The following ZNF334 variants were observed in gnomAD, a reference collection of about 807,000 sequenced individuals.
ZNF334 encodes the protein zinc finger protein 334.
A neutral mutation model predicts 12.4 loss-of-function variants in ZNF334; 14 were observed. The ratio of observed to expected loss-of-function variants is 1.13; its 90% CI spans 0.74 to 1.76. ZNF334 has a LOEUF of 1.76. Among genes scored for constraint, ZNF334 ranks in the 40% most tolerant of loss-of-function variants. The pLI, the probability that ZNF334 is intolerant of heterozygous loss-of-function variation, is 0.00. For missense variants in ZNF334, 797 were observed against 804.5 expected, an observed-to-expected ratio of 0.99 and a Z score of 0.11; for synonymous variants, 273 against 269.6, an observed-to-expected ratio of 1.01 and a Z score of -0.12.
chr20:46,507,380 C>T lies in ZNF334; in HGVS notation c.22-2640G>A, dbSNP rs574440014. Among the ~76,000 whole-genome samples the T allele has an allele frequency of 3.9e-5, 6 of 152,212 alleles. No homozygotes were observed. The South Asian group carries it at 1.2e-3, about 32-fold the overall frequency. On this transcript the variant is annotated intron_variant, in intron 2 of 4. Coordinates refer to ENST00000692313, the MANE Select transcript of ZNF334 (RefSeq NM_001353824.2). The stretch of plus-strand genomic sequence containing the variant: ...GTTGCAAGAGGCTAAGGAGACAGGA[C>T]ATTTAACACAACCTGGGTTCCTAGG...
the ZNF334 span, among the ~76,000 whole-genome samples, chr20:46,479,809 G>T: frequency 6.6e-6 from 1 of 152,112 alleles, no homozygotes; most frequent in African/African-American, 2.4e-5. Flanking sequence ...CTACCTGGAG[G>T]CTTCATCTAC....
chr20:46,492,383 C>T, the ZNF334 span: 3 of 153,034 alleles, frequency 2.0e-5, no homozygotes, highest in African/African-American at 7.2e-5. Context: ...TATAGGGAGG[C>T]CCTTTACATG....
downstream of ZNF334, among the ~76,000 whole-genome samples, chr20:46,499,092 T>C (rs1177106580): frequency 3.2e-4 from 44 of 138,906 alleles, no homozygotes; most frequent in African/African-American, 4.9e-4. Context: ...GAGAATGGTG[T>C]GAACCCGGGA....
Position 46,502,392 on chromosome 20 carries a change from C to A in ZNF334, c.947G>T (p.Gly316Val). The A allele has an allele frequency of 6.2e-7, 1 of 1,614,088 alleles. No individual in the cohort carries two copies. The highest frequency in any genetic ancestry group is 8.5e-7 in the Non-Finnish European group (1 of 1,180,008). Reference protein sequence around the residue: ...SALIVHQKIHGGEKSYECNEC... With the variant: ...SALIVHQKIHVGEKSYECNEC... ...ATTACACTCATAGGATTTCTCCCCTCCATGAATTTTCTGGTGTACAATAAG... is the reference window on the plus strand; with the variant it reads ...ATTACACTCATAGGATTTCTCCCCTACATGAATTTTCTGGTGTACAATAAG... Residue 316 changes from glycine to valine, a missense_variant, in exon 5 of 5, where the codon GGA becomes GTA. Coordinates refer to ENST00000692313, the MANE Select transcript of ZNF334 (RefSeq NM_001353824.2).
chr20:46,493,644 A>G, the ZNF334 span, among the ~76,000 whole-genome samples: 1 of 152,240 alleles, frequency 6.6e-6, no homozygotes, highest in African/African-American at 2.4e-5. Flanking sequence ...CTCATTTGAA[A>G]TAAGTGAAAG....
intron 3 of ZNF334, 128 bp from the exon 4 acceptor site, chr20:46,504,434 C>T: frequency 2.6e-6 from 3 of 1,133,326 alleles, no homozygotes; most frequent in Non-Finnish European, 2.5e-6. Flanking sequence ...AAAGCTAGAA[C>T]ATTTTGGTGA....
At chr20:46,463,469 G>C in the ZNF334 span, among the ~76,000 whole-genome samples, 1 of 152,206 alleles carries the variant, frequency 6.6e-6, no homozygotes, top group Non-Finnish European at 1.5e-5. Context: ...TCCTGTGTTG[G>C]AGCAGAAGGC....
Position 46,501,258 on chromosome 20 carries a change from AT to A in ZNF334, c.*37del. ...AGTTTAGCATTGTGTAAGTTATTTG[AT>A]TTGTTGCTTTGTTGGAATTTATTAC... is the stretch of plus-strand genomic sequence containing the variant. On this transcript the variant is annotated 3_prime_UTR_variant, in exon 5 of 5. Transcript: ENST00000692313. 1 of 1,579,496 alleles carries A rather than the reference AT, an allele frequency of 6.3e-7. No homozygotes were observed.
At chr20:46,463,979 C>T in the ZNF334 span, 2 of 614,088 alleles carry the variant, frequency 3.3e-6, no homozygotes, top group South Asian at 2.8e-5. Context: ...TCGTCCCCAT[C>T]TGCCAAAAGC....
rs774687888 is a variant in ZNF334, at chr20:46,501,836, C to T, written c.1503G>A (p.Lys501=). ...TTCTCTTACACTGACTGCAGTTTGA[C>T]TTCACAATGGAGATTCTACCACATT... ...FNKCGRISIV[K]SNCSQCKRMN... is the part of the protein sequence containing the mutation. The change falls in exon 5 of 5, where the codon AAG becomes AAA. Residue 501 remains lysine (K), a synonymous_variant. Transcript: ENST00000692313. 1 of 1,614,036 alleles carries T rather than the reference C, an allele frequency of 6.2e-7. No homozygotes were observed. Among genetic ancestry groups the T allele is most frequent in the Non-Finnish European group, 8.5e-7 (1 of 1,179,984 alleles).
At chr20:46,508,639 C>G (rs1468007951) in intron 2 of ZNF334, among the ~76,000 whole-genome samples, 1 of 152,192 alleles carries the variant, frequency 6.6e-6, no homozygotes, top group Admixed American at 6.5e-5. Flanking sequence ...TGTGGCACAT[C>G]TGCGGAGACA....
At chr20:46,462,440 G>A in the ZNF334 span, among the ~76,000 whole-genome samples, 8 of 152,192 alleles carry the variant, frequency 5.3e-5, no homozygotes, top group South Asian at 2.1e-4. Context: ...TTAGAATGTA[G>A]TTTTGAATCA....
At chr20:46,471,250 T>C in the ZNF334 span, among the ~76,000 whole-genome samples, 3 of 152,216 alleles carry the variant, frequency 2.0e-5, no homozygotes, top group Admixed American at 6.5e-5. Flanking sequence ...ATTGTCCATT[T>C]TGATATTGGG....
the ZNF334 span, among the ~76,000 whole-genome samples, chr20:46,469,687 A>G: frequency 6.6e-6 from 1 of 152,042 alleles, no homozygotes. Context: ...GCTACTTTTA[A>G]GCAAATTTTC....
chr20:46,486,650 T>C, the ZNF334 span, among the ~76,000 whole-genome samples: 1 of 152,216 alleles, frequency 6.6e-6, no homozygotes, highest in Admixed American at 6.5e-5. Context: ...CAATTCCTTC[T>C]GACCCAAATC....
downstream of ZNF334, chr20:46,496,654 G>C (rs460067): frequency 0.83 from 125,647 of 152,206 alleles, 51,981 homozygotes; most frequent in East Asian, 0.91. Flanking sequence ...GCTCGCAGAG[G>C]AGCAATCATC....
chr20:46,483,664 T>C, the ZNF334 span, among the ~76,000 whole-genome samples: 1 of 152,204 alleles, frequency 6.6e-6, no homozygotes, highest in Non-Finnish European at 1.5e-5. Flanking sequence ...GCAGTAAACA[T>C]TCCCATATTT....
At chr20:46,504,454 G>A (rs2061361911) in intron 3 of ZNF334, 148 bp from the exon 4 acceptor site, 2 of 1,129,914 alleles carry the variant, frequency 1.8e-6, no homozygotes, top group Non-Finnish European at 2.5e-6. Flanking sequence ...AAGGGTAGGG[G>A]AAGGGCAGTG....
rs141577638 is a variant in ZNF334 at position 46,510,264 on chromosome 20, G to A, written c.21+1818C>T. On this transcript the variant is annotated intron_variant, in intron 2 of 4. Coordinates refer to ENST00000692313, the MANE Select transcript of ZNF334 (RefSeq NM_001353824.2). ...ACAGCCTTGAGGTGGGAAGAGGAAGGGGCCAAGCAGACTGCTGAGAAAGCT... is the reference window on the plus strand; with the variant it reads ...ACAGCCTTGAGGTGGGAAGAGGAAGAGGCCAAGCAGACTGCTGAGAAAGCT... Among the ~76,000 whole-genome samples the A allele has an allele frequency of 3.5e-4, 53 of 152,210 alleles. 1 individual carries two copies. Among genetic ancestry groups the A allele is most frequent in the African/African-American group, 1.2e-3 (50 of 41,540 alleles).
Sources: gnomAD v4.1 joint callset for allele counts (sites outside exome capture counted in the v4.1 genomes callset) on GRCh38, gnomAD v4.1.1 for gene constraint, MANE v1.5 for transcripts, NCBI Gene and HGNC (gene_info 2026-07-23, HGNC 2026-07-21) for gene names.